Variants in MTUS2 observed in about 807,000 individuals in gnomAD.
MTUS2 encodes microtubule-associated tumor suppressor candidate 2.
In MTUS2, 40 loss-of-function variants were observed where a neutral mutation model predicts 114.1. The ratio of observed to expected loss-of-function variants is 0.35; its 90% CI spans 0.27 to 0.46. The LOEUF (loss-of-function observed/expected upper bound fraction) is 0.46. Ranked by LOEUF, MTUS2 falls within the 20% of genes least tolerant of loss-of-function variation. The pLI is 1.00. For synonymous variants in MTUS2, 688 were observed against 672.0 expected (o/e 1.02, Z -0.37); for missense variants, 1,679 against 1,705.4 (o/e 0.98, Z 0.27).
intron 5 of MTUS2, among the ~76,000 whole-genome samples, chr13:29,217,000 T>C (rs4769693): frequency 0.74 from 112,531 of 152,066 alleles, 41,738 homozygotes; most frequent in East Asian, 0.8. Context: ...ACTACAAGCA[T>C]CCATGTTTCA....
intron 3 of MTUS2, among the ~76,000 whole-genome samples, chr13:29,028,384 A>G (rs1441725461): frequency 6.6e-6 from 1 of 152,064 alleles, no homozygotes; most frequent in Non-Finnish European, 1.5e-5. Flanking sequence ...TCCTGTCTCT[A>G]ACACCTTCCA....
intron 10 of MTUS2, chr13:29,483,911 C>G (rs1040696184): frequency 6.6e-6 from 1 of 152,192 alleles, no homozygotes; most frequent in African/African-American, 2.4e-5. Flanking sequence ...CAGCTTCCAG[C>G]CCTAGTTTCT....
chr13:29,375,628 T>A (rs1167271238), intron 8 of MTUS2, among the ~76,000 whole-genome samples: 2 of 7,234 alleles, frequency 2.8e-4, no homozygotes, highest in Admixed American at 3.0e-3. Flanking sequence ...TATATATATA[T>A]ATATATATAT....
intron 6 of MTUS2, among the ~76,000 whole-genome samples, chr13:29,292,688 T>C (rs1008608657): frequency 6.6e-6 from 1 of 152,232 alleles, no homozygotes; most frequent in Non-Finnish European, 1.5e-5. Context: ...CACTTTCTAT[T>C]ATTTGTTTAA....
At chr13:29,216,548 G>T (rs1175644812) in intron 5 of MTUS2, among the ~76,000 whole-genome samples, 2 of 152,308 alleles carry the variant, frequency 1.3e-5, no homozygotes, top group East Asian at 3.9e-4. Flanking sequence ...TGAAAAAACT[G>T]TGGGAAAAGG....
chr13:29,320,055 T>C (rs978640495), intron 6 of MTUS2, among the ~76,000 whole-genome samples: 2 of 152,154 alleles, frequency 1.3e-5, no homozygotes, highest in Admixed American at 6.5e-5. Flanking sequence ...AATGTTACCT[T>C]ATAGGGCAAA....
At chr13:29,190,660 T>G (rs993552810) in intron 5 of MTUS2, among the ~76,000 whole-genome samples, 36 of 142,974 alleles carry the variant, frequency 2.5e-4, no homozygotes, top group African/African-American at 8.8e-4. Flanking sequence ...CTGAACTGTG[T>G]AGAGAGAAGA....
chr13:29,345,328 A>G (rs1480207575), intron 7 of MTUS2, among the ~76,000 whole-genome samples: 1 of 151,684 alleles, frequency 6.6e-6, no homozygotes, highest in Non-Finnish European at 1.5e-5. Context: ...ATAATCCCAA[A>G]CTTCTTGGAG....
intron 1 of MTUS2, among the ~76,000 whole-genome samples, chr13:28,831,098 G>A (rs1376732578): frequency 1.3e-5 from 2 of 151,956 alleles, no homozygotes; most frequent in African/African-American, 4.8e-5. Context: ...TAGCAGTAAA[G>A]GTAATTATAT....
intron 5 of MTUS2, among the ~76,000 whole-genome samples, chr13:29,246,834 A>G (rs186533923): frequency 2.0e-5 from 3 of 152,304 alleles, no homozygotes; most frequent in South Asian, 4.2e-4. Flanking sequence ...ATAACTGCCA[A>G]AAGTAGTCTA....
At chr13:28,903,554 G>A (rs1177123619) in intron 2 of MTUS2, among the ~76,000 whole-genome samples, 1 of 151,146 alleles carries the variant, frequency 6.6e-6, no homozygotes. Context: ...GAGAATGATG[G>A]TTTCCAGCTT....
At chr13:29,261,204 C>T (rs893967252) in intron 5 of MTUS2, among the ~76,000 whole-genome samples, 11 of 152,128 alleles carry the variant, frequency 7.2e-5, no homozygotes, top group African/African-American at 2.4e-4. Flanking sequence ...GGCCAATATG[C>T]GGTCTATTTC....
chr13:29,341,626 T>G (rs1169441795), intron 7 of MTUS2, among the ~76,000 whole-genome samples: 1 of 152,216 alleles, frequency 6.6e-6, no homozygotes, highest in Non-Finnish European at 1.5e-5. Context: ...GCATTTACTG[T>G]GCAGAAGCTT....
intron 5 of MTUS2, among the ~76,000 whole-genome samples, chr13:29,107,708 A>G (rs1890725804): frequency 6.6e-6 from 1 of 152,142 alleles, no homozygotes; most frequent in African/African-American, 2.4e-5. Context: ...ATTGTTTTTA[A>G]AGAATTGGGC....
At chr13:29,059,936 A>G (rs1251219454) in intron 4 of MTUS2, among the ~76,000 whole-genome samples, 1 of 152,230 alleles carries the variant, frequency 6.6e-6, no homozygotes, top group Non-Finnish European at 1.5e-5. Flanking sequence ...GAGTTTCCAC[A>G]GAAGCAGCAC....
intron 2 of MTUS2, among the ~76,000 whole-genome samples, chr13:28,992,812 G>C (rs1040913): frequency 0.49 from 74,516 of 151,896 alleles, 18,856 homozygotes; most frequent in East Asian, 0.73. Flanking sequence ...TAACTACATT[G>C]AACCATCACC....
At chr13:28,945,761 C>G (rs1036620163) in intron 2 of MTUS2, among the ~76,000 whole-genome samples, 1 of 152,086 alleles carries the variant, frequency 6.6e-6, no homozygotes, top group African/African-American at 2.4e-5. Flanking sequence ...TTTACTTACT[C>G]CATAGGTTGT....
At chr13:29,208,568 C>G (rs753153020) in intron 5 of MTUS2, among the ~76,000 whole-genome samples, 5 of 151,850 alleles carry the variant, frequency 3.3e-5, no homozygotes, top group Non-Finnish European at 5.9e-5. Context: ...ATTTAGTGCT[C>G]CGAACTTTCT....
intron 9 of MTUS2, among the ~76,000 whole-genome samples, chr13:29,474,877 TG>T (rs1279532211): frequency 2.0e-5 from 3 of 152,340 alleles, no homozygotes; most frequent in Middle Eastern, 3.4e-3. Flanking sequence ...CATTTATATG[TG>T]TTCTGTCTGT....
Sources: allele counts gnomAD v4.1 joint callset (sites outside exome capture counted in the v4.1 genomes callset), GRCh38; gene constraint gnomAD v4.1.1; transcripts MANE v1.5; gene names NCBI Gene and HGNC (gene_info 2026-07-23, HGNC 2026-07-21).